The following JPH2 variants were observed in gnomAD, a reference collection of about 807,000 sequenced individuals.
The protein encoded by JPH2 is junctophilin-2.
JPH2 carries 38 observed loss-of-function variants against 55.9 expected under a neutral mutation model. The ratio of observed to expected loss-of-function variants is 0.68; its 90% CI spans 0.52 to 0.89. The LOEUF is 0.89. JPH2 is among the 40% of genes least tolerant of loss of function. JPH2 has a pLI of 0.00. For synonymous variants in JPH2, 480 were observed against 472.4 expected, an observed-to-expected ratio of 1.02 and a Z score of -0.21; for missense variants, 964 against 1,037.6, an observed-to-expected ratio of 0.93 and a Z score of 0.97.
At chr20:44,143,139 AAG>A (rs762783355) in intron 2 of JPH2, among the ~76,000 whole-genome samples, 2 of 152,198 alleles carry the variant, frequency 1.3e-5, no homozygotes, top group Non-Finnish European at 2.9e-5. Flanking sequence ...GCAGGCAGGA[AAG>A]AGAACGGCCC....
rs1201315439 is a variant in JPH2 at position 44,108,108 on chromosome 20, C to T, written c.*5410G>A. ...TGTGGGAAATGATTCAATCAATCAC[C>T]TCTACATAATGAAGTCCCAATAAAA... On this transcript the variant is annotated 3_prime_UTR_variant, in exon 6 of 6. Coordinates refer to ENST00000372980, the MANE Select transcript of JPH2 (RefSeq NM_020433.5). Among the ~76,000 whole-genome samples, 2 of 152,134 alleles carry T rather than the reference C, an allele frequency of 1.3e-5. No homozygotes were observed. Among genetic ancestry groups the T allele is most frequent in the African/African-American group, 4.8e-5 (2 of 41,422 alleles).
At chr20:44,133,902 A>T (rs1600840265) in intron 2 of JPH2, among the ~76,000 whole-genome samples, 1 of 26,002 alleles carries the variant, frequency 3.8e-5, no homozygotes, top group Non-Finnish European at 6.9e-5. Context: ...AAATATATAT[A>T]AATAAATATA....
intron 2 of JPH2, among the ~76,000 whole-genome samples, chr20:44,140,691 C>T (rs951833833): frequency 4.6e-5 from 7 of 151,080 alleles, no homozygotes; most frequent in African/African-American, 1.7e-4. Context: ...CTGGGGTGAT[C>T]GCTGGGATTA....
At chr20:44,131,529 T>A (rs1035958317) in intron 2 of JPH2, among the ~76,000 whole-genome samples, 4 of 152,170 alleles carry the variant, frequency 2.6e-5, no homozygotes, top group Non-Finnish European at 5.9e-5. Flanking sequence ...ACAATGGGGA[T>A]AATAATAGTG....
In JPH2 at chr20:44,106,797, C is replaced by T. The variant is rs894756854; in HGVS notation, c.*6721G>A. On this transcript the variant is annotated 3_prime_UTR_variant, in exon 6 of 6. Coordinates refer to ENST00000372980, the MANE Select transcript of JPH2 (RefSeq NM_020433.5). ...ACGAGAACGGCACGGGAAAGGCTTG[C>T]CCCCATGATTCAATTACCTCCCACT... Among the ~76,000 whole-genome samples, 2 of 152,060 alleles carry T rather than the reference C, an allele frequency of 1.3e-5. No homozygotes were observed. The highest frequency in any genetic ancestry group is 2.9e-5 in the Non-Finnish European group (2 of 68,016).
chr20:44,126,134 A>AAGAGAGAGAGAGAG (rs141811286), intron 2 of JPH2, among the ~76,000 whole-genome samples: 3 of 50,294 alleles, frequency 6.0e-5, no homozygotes, highest in South Asian at 2.2e-3. Flanking sequence ...TCAGAAGAAA[A>AAGAGAGAGAGAGAG]AGAGAGAGGG....
In JPH2 at chr20:44,178,006, G is replaced by T. The variant is rs199716047; in HGVS notation, c.379+8321C>A. 4.6e-6 allele frequency: 4 copies of T among 874,736 alleles called. 1 individual carries two copies. Among genetic ancestry groups the T allele is most frequent in the Middle Eastern group, 2.2e-4 (1 of 4,644 alleles). The allele number at this position is 874,736 out of a possible 1,614,324, so 54.2% of individuals were successfully genotyped here. On this transcript the variant is annotated intron_variant, in intron 1 of 5. Coordinates refer to ENST00000372980, the MANE Select transcript of JPH2 (RefSeq NM_020433.5). The stretch of plus-strand genomic sequence containing the variant: ...AAAAAGGAAACAGAAGCTCAGGGAG[G>T]TTACATGGTGCACCCAGGTTCATAT...
At chr20:44,135,997 C>T (rs1159811050) in intron 2 of JPH2, among the ~76,000 whole-genome samples, 1 of 152,208 alleles carries the variant, frequency 6.6e-6, no homozygotes, top group Non-Finnish European at 1.5e-5. Flanking sequence ...GAAATACTAT[C>T]ATTATCACCC....
intron 1 of JPH2, among the ~76,000 whole-genome samples, chr20:44,176,538 A>G (rs1020296740): frequency 2.6e-5 from 4 of 152,070 alleles, no homozygotes; most frequent in African/African-American, 9.7e-5. Context: ...ACAGTGACTC[A>G]TGCCTATAAT....
chr20:44,148,792 G>A (rs1245898035), intron 2 of JPH2, among the ~76,000 whole-genome samples: 1 of 152,080 alleles, frequency 6.6e-6, no homozygotes, highest in Non-Finnish European at 1.5e-5. Flanking sequence ...GGCCGGGCGT[G>A]GTGGCTCACG....
intron 1 of JPH2, among the ~76,000 whole-genome samples, chr20:44,181,696 C>T (rs1447764350): frequency 1.3e-5 from 2 of 152,206 alleles, no homozygotes; most frequent in East Asian, 1.9e-4. Flanking sequence ...TCTGTCCTCT[C>T]GTCCTGGAGT....
At chr20:44,176,316 G>GTAT (rs1226182561) in intron 1 of JPH2, among the ~76,000 whole-genome samples, 1 of 116,170 alleles carries the variant, frequency 8.6e-6, no homozygotes, top group African/African-American at 3.4e-5. Flanking sequence ...GATCCTATCT[G>GTAT]TCTTTTTTTT....
At chr20:44,163,760 A>C (rs2072633013) in intron 1 of JPH2, among the ~76,000 whole-genome samples, 1 of 152,210 alleles carries the variant, frequency 6.6e-6, no homozygotes, top group South Asian at 2.1e-4. Context: ...GAAACTTTAA[A>C]AGAAAACAAC....
rs754529157 is a variant in JPH2 at position 44,186,515 on chromosome 20, C to T, written c.191G>A (p.Trp64Ter). 6.2e-7 allele frequency: 1 copy of T among 1,613,830 alleles called. No individual in the cohort carries two copies. The highest frequency in any genetic ancestry group is 8.5e-7 in the Non-Finnish European group (1 of 1,179,758). ...CAGCCCATGCCGTTTGCCCTGGCTC[C>T]AGTATCCCTCAAAGGTGTTTCCGCT... ...WPSGNTFEGY[W>*]SQGKRHGLGI... is the part of the protein sequence containing the mutation. The change falls in exon 1 of 6, where the codon TGG becomes TAG. Residue 64 changes from tryptophan (W) to a stop codon, truncating the protein, a stop_gained. Transcript: ENST00000372980. LOFTEE classifies it high-confidence loss of function.
chr20:44,111,502 T>C lies in JPH2; in HGVS notation c.*2016A>G, dbSNP rs2072143369. The stretch of plus-strand genomic sequence containing the variant: ...CTCATAGAAGTTTCTGGAAGTTTGC[T>C]TTAGAAACTCCACTGTAGAAGCTCT... On this transcript the variant is annotated 3_prime_UTR_variant, in exon 6 of 6. Coordinates refer to ENST00000372980, the MANE Select transcript of JPH2 (RefSeq NM_020433.5). Among the ~76,000 whole-genome samples, 1 of 152,192 alleles carries C rather than the reference T, an allele frequency of 6.6e-6. No individual in the cohort carries two copies. Among genetic ancestry groups the C allele is most frequent in the Non-Finnish European group, 1.5e-5 (1 of 68,038 alleles).
intron 1 of JPH2, among the ~76,000 whole-genome samples, chr20:44,162,182 C>A (rs1284938048): frequency 1.3e-5 from 2 of 152,038 alleles, no homozygotes; most frequent in Non-Finnish European, 2.9e-5. Flanking sequence ...TAACAAAAAC[C>A]AAAAGGTCTT....
At position 44,150,854 on chromosome 20, in the gene JPH2, C is replaced by T. The variant is rs147459592; in HGVS notation, c.1169+8764G>A. Among the ~76,000 whole-genome samples, 327 of 151,942 alleles carry T rather than the reference C, an allele frequency of 2.2e-3. 2 individuals are homozygous for T. The highest frequency in any genetic ancestry group is 7.4e-3 in the African/African-American group (306 of 41,458). ...TAGCCTGGGCAACATAGCAAGACCT[C>T]GTCTCTACAAATATATATTTTTTTA... is the stretch of plus-strand genomic sequence containing the variant. On this transcript the variant is annotated intron_variant, in intron 2 of 5. Coordinates refer to ENST00000372980, the MANE Select transcript of JPH2 (RefSeq NM_020433.5).
At position 44,125,904 on chromosome 20, in the gene JPH2, T is replaced by C. The variant is rs6017270; in HGVS notation, c.1170-7281A>G. 7.5e-3 allele frequency among the ~76,000 whole-genome samples: 1,140 copies of C among 151,914 alleles called. 21 individuals are homozygous for C. The highest frequency in any genetic ancestry group is 0.026 in the African/African-American group (1,081 of 41,416). ...ACAGGAAGTGCTACCTAAGGGCTTG[T>C]TACATAAAATGAGAAGTGCAGTTTT... On this transcript the variant is annotated intron_variant, in intron 2 of 5. Transcript: ENST00000372980.
intron 2 of JPH2, among the ~76,000 whole-genome samples, chr20:44,152,362 T>A (rs961448952): frequency 7.9e-5 from 12 of 152,310 alleles, no homozygotes; most frequent in Admixed American, 5.2e-4. Flanking sequence ...CTCACAGGGT[T>A]GTTTTGAGGA....
Sources: allele counts gnomAD v4.1 joint callset (sites outside exome capture counted in the v4.1 genomes callset), GRCh38; gene constraint gnomAD v4.1.1; transcripts MANE v1.5; gene names NCBI Gene and HGNC (gene_info 2026-07-23, HGNC 2026-07-21).